The following KLF12 variants were observed in gnomAD, a reference collection of about 807,000 sequenced individuals.
KLF12 encodes the protein KLF transcription factor 12.
In KLF12, 9 loss-of-function variants were observed where a neutral mutation model predicts 37.8. That is an observed-to-expected ratio of 0.24 (90% CI 0.14 to 0.42). The LOEUF is 0.42. Ranked by LOEUF, KLF12 falls within the 10% of genes least tolerant of loss-of-function variation. The pLI is 1.00. For synonymous variants in KLF12, 208 were observed against 202.1 expected (o/e 1.03, Z -0.25); for missense variants, 411 against 516.0 (o/e 0.80, Z 1.97).
chr13:74,160,070 G>A, the KLF12 span, among the ~76,000 whole-genome samples: 1 of 151,432 alleles, frequency 6.6e-6, no homozygotes, highest in Non-Finnish European at 1.5e-5. Flanking sequence ...TCTACCTGGT[G>A]GTTATCTTTT....
chr13:73,854,414 C>T (rs533702511), intron 3 of KLF12, among the ~76,000 whole-genome samples: 1 of 152,162 alleles, frequency 6.6e-6, no homozygotes, highest in Non-Finnish European at 1.5e-5. Flanking sequence ...AACAGTATCT[C>T]ATAGTATTGA....
At chr13:74,153,606 C>T in the KLF12 span, among the ~76,000 whole-genome samples, 1 of 152,184 alleles carries the variant, frequency 6.6e-6, no homozygotes, top group Non-Finnish European at 1.5e-5. Context: ...TACCACACTA[C>T]ACTCATATTA....
At chr13:74,077,359 T>G (rs1874625005) in intron 1 of KLF12, among the ~76,000 whole-genome samples, 1 of 152,234 alleles carries the variant, frequency 6.6e-6, no homozygotes, top group Non-Finnish European at 1.5e-5. Context: ...CACTTCTTTT[T>G]CATGTTCTTC....
chr13:73,725,702 A>T (rs1443110909), intron 6 of KLF12, among the ~76,000 whole-genome samples: 2 of 152,118 alleles, frequency 1.3e-5, no homozygotes, highest in South Asian at 4.1e-4. Flanking sequence ...ATAGGACTTA[A>T]CATGCTAATT....
At chr13:74,028,023 C>G (rs950280838) in intron 1 of KLF12, among the ~76,000 whole-genome samples, 5 of 152,068 alleles carry the variant, frequency 3.3e-5, no homozygotes, top group African/African-American at 4.8e-5. Context: ...TTGAATTGGC[C>G]AATTTAATAG....
intron 2 of KLF12, among the ~76,000 whole-genome samples, chr13:73,952,191 C>T (rs1236122372): frequency 1.3e-5 from 2 of 152,132 alleles, no homozygotes; most frequent in Non-Finnish European, 2.9e-5. Flanking sequence ...GTATCAGTCC[C>T]TTCTTGCATT....
chr13:73,727,961 T>G (rs553194521), intron 6 of KLF12, among the ~76,000 whole-genome samples: 56 of 152,318 alleles, frequency 3.7e-4, no homozygotes, highest in African/African-American at 1.3e-3. Context: ...CCTCCCAAAG[T>G]GCTGGGATTA....
chr13:73,877,324 C>G (rs185487858), intron 3 of KLF12, among the ~76,000 whole-genome samples: 1 of 152,220 alleles, frequency 6.6e-6, no homozygotes, highest in African/African-American at 2.4e-5. Flanking sequence ...TTATAAAATG[C>G]CTTTTTTTAG....
rs142730594 is a variant in KLF12, at chr13:73,892,923, T to G, written c.124-46550A>C. 1.2e-3 allele frequency among the ~76,000 whole-genome samples: 189 copies of G among 152,292 alleles called. 2 individuals are homozygous for G. Among genetic ancestry groups the G allele is most frequent in the African/African-American group, 4.2e-3 (174 of 41,554 alleles). On this transcript the variant is annotated intron_variant, in intron 3 of 7. Transcript: ENST00000377669. ...AATTTTTCTTACCACAATAATACAT[T>G]GCTTTTGTTATAATAAAAAGAAATA... is the stretch of plus-strand genomic sequence containing the variant.
At chr13:74,132,100 A>C in intron 1 of KLF12, among the ~76,000 whole-genome samples, 1 of 152,218 alleles carries the variant, frequency 6.6e-6, no homozygotes, top group East Asian at 1.9e-4. Context: ...GAGGTCTGAG[A>C]ATAGCACAAG....
At chr13:73,881,068 G>T (rs181216014) in intron 3 of KLF12, among the ~76,000 whole-genome samples, 24 of 152,178 alleles carry the variant, frequency 1.6e-4, no homozygotes, top group African/African-American at 5.5e-4. Flanking sequence ...GATAACAAAA[G>T]TCAAATTTCA....
rs1411357978 is a variant in KLF12, at chr13:73,839,761, T to C, written c.670+6066A>G. On this transcript the variant is annotated intron_variant, in intron 4 of 7. Transcript: ENST00000377669. ...CACCTGCATCTTGCAGTAATTAATCTGAATTCTAAAGTCTATTTATTATGT... is the reference window on the plus strand; with the variant it reads ...CACCTGCATCTTGCAGTAATTAATCCGAATTCTAAAGTCTATTTATTATGT... Among the ~76,000 whole-genome samples the C allele has an allele frequency of 4.6e-5, 7 of 152,166 alleles. No individual in the cohort carries two copies. The East Asian group carries it at 1.2e-3, about 25-fold the overall frequency.
intron 1 of KLF12, among the ~76,000 whole-genome samples, chr13:74,103,956 T>C (rs1876507610): frequency 6.6e-6 from 1 of 152,218 alleles, no homozygotes; most frequent in South Asian, 2.1e-4. Context: ...TAATAGATCC[T>C]GAAAAGCAAA....
At chr13:73,897,928 T>A (rs1256938353) in intron 3 of KLF12, among the ~76,000 whole-genome samples, 1 of 152,224 alleles carries the variant, frequency 6.6e-6, no homozygotes, top group Non-Finnish European at 1.5e-5. Flanking sequence ...CCCACTCCTA[T>A]GAGCCCCTAC....
the KLF12 span, among the ~76,000 whole-genome samples, chr13:74,270,580 C>T: frequency 8.5e-5 from 13 of 152,282 alleles, no homozygotes; most frequent in Admixed American, 8.5e-4. Context: ...GCAAACCTTG[C>T]CCATCAATAT....
At chr13:74,115,513 T>A (rs1252630752) in intron 1 of KLF12, among the ~76,000 whole-genome samples, 1 of 152,154 alleles carries the variant, frequency 6.6e-6, no homozygotes, top group Non-Finnish European at 1.5e-5. Context: ...GAGACCAGCC[T>A]GGTCAACAGG....
chr13:74,140,269 G>C, the KLF12 span, among the ~76,000 whole-genome samples: 3 of 152,094 alleles, frequency 2.0e-5, no homozygotes, highest in Admixed American at 6.5e-5. Flanking sequence ...ACACTTACAG[G>C]CTCAATACTT....
At chr13:73,776,293 T>A (rs1292721243) in intron 5 of KLF12, among the ~76,000 whole-genome samples, 1 of 152,190 alleles carries the variant, frequency 6.6e-6, no homozygotes, top group Non-Finnish European at 1.5e-5. Flanking sequence ...GTAGTAGCAG[T>A]TTCCTCACTG....
At chr13:73,715,273 A>G in intron 7 of KLF12, 95 bp downstream of exon 7, 2 of 1,023,072 alleles carry the variant, frequency 2.0e-6, no homozygotes, top group South Asian at 3.3e-5. Flanking sequence ...TGAGAGGTAC[A>G]CAGGATGAAT....
Sources: gnomAD v4.1 joint callset for allele counts (sites outside exome capture counted in the v4.1 genomes callset) on GRCh38, gnomAD v4.1.1 for gene constraint, MANE v1.5 for transcripts, NCBI Gene and HGNC (gene_info 2026-07-23, HGNC 2026-07-21) for gene names.